Variants in CPAP observed in about 807,000 individuals in gnomAD.
The protein encoded by CPAP is centrosomal P4.1-associated protein.
the CPAP span, chr13:24,912,209 C>T: frequency 1.3e-6 from 1 of 770,342 alleles, no homozygotes; most frequent in Non-Finnish European, 2.2e-6. Flanking sequence ...GTAACTAAAT[C>T]AGCCACCGAA....
At chr13:24,933,987 A>G in the CPAP span, among the ~76,000 whole-genome samples, 3 of 152,084 alleles carry the variant, frequency 2.0e-5, no homozygotes, top group Non-Finnish European at 4.4e-5. Context: ...CGGCCTCCCA[A>G]AGGGCCGGGA....
At chr13:24,884,471 A>C in the CPAP span, 2 of 1,613,956 alleles carry the variant, frequency 1.2e-6, no homozygotes, top group Admixed American at 3.3e-5. Context: ...CACCTAAAAA[A>C]CCAACACAAG....
the CPAP span, among the ~76,000 whole-genome samples, chr13:24,907,632 A>G: frequency 1.8e-5 from 2 of 112,580 alleles, no homozygotes; most frequent in African/African-American, 5.2e-5. Flanking sequence ...AAAATATAAA[A>G]TACTTAATCT....
the CPAP span, among the ~76,000 whole-genome samples, chr13:24,908,650 G>A: frequency 6.6e-6 from 1 of 152,018 alleles, no homozygotes; most frequent in East Asian, 1.9e-4. Context: ...TTAATGTCAT[G>A]AGGAAAAAAG....
the CPAP span, among the ~76,000 whole-genome samples, chr13:24,888,529 C>CTT: frequency 6.6e-6 from 1 of 152,148 alleles, no homozygotes; most frequent in Non-Finnish European, 1.5e-5. Context: ...ATGTTAAAGT[C>CTT]TGGCCAGATC....
the CPAP span, chr13:24,892,568 T>G: frequency 7.6e-6 from 9 of 1,176,664 alleles, no homozygotes; most frequent in Non-Finnish European, 1.1e-5. Context: ...TTCTACTTTC[T>G]GACTCTATGA....
the CPAP span, chr13:24,885,585 T>A: frequency 6.4e-7 from 1 of 1,554,096 alleles, no homozygotes; most frequent in Non-Finnish European, 8.9e-7. Flanking sequence ...GTTTGAAGAA[T>A]ATATAAAAAC....
the CPAP span, chr13:24,899,365 C>T: frequency 7.1e-7 from 1 of 1,413,590 alleles, no homozygotes; most frequent in Non-Finnish European, 9.9e-7. Context: ...GAGATGCTTA[C>T]AAGATTGTCA....
the CPAP span, chr13:24,885,535 A>G: frequency 7.8e-7 from 1 of 1,281,034 alleles, no homozygotes; most frequent in Non-Finnish European, 1.1e-6. Context: ...TAGAAACGTT[A>G]AGTCTATTAA....
chr13:24,883,462 G>A, the CPAP span: 3 of 952,148 alleles, frequency 3.2e-6, no homozygotes, highest in Admixed American at 7.1e-5. Context: ...TTTGAGTCTG[G>A]CAGCTACTTC....
At chr13:24,908,683 A>G in the CPAP span, among the ~76,000 whole-genome samples, 1 of 152,182 alleles carries the variant, frequency 6.6e-6, no homozygotes, top group East Asian at 1.9e-4. Flanking sequence ...TAGAGATTAA[A>G]AAGGCTAAAG....
the CPAP span, among the ~76,000 whole-genome samples, chr13:24,884,715 T>G: frequency 0.99 from 150,871 of 152,334 alleles, 74,728 homozygotes; most frequent in Middle Eastern, 1. Context: ...TAAAGTAGAC[T>G]TTGTACAGGA....
chr13:24,917,107 G>A, the CPAP span, among the ~76,000 whole-genome samples: 5 of 152,002 alleles, frequency 3.3e-5, no homozygotes, highest in South Asian at 4.2e-4. Flanking sequence ...AAAATTAGCC[G>A]GGGGTGGTGG....
At chr13:24,931,306 C>CTTTTTTTTTTTTTTCTTTTTTTT in the CPAP span, among the ~76,000 whole-genome samples, 1 of 72,646 alleles carries the variant, frequency 1.4e-5, no homozygotes, top group East Asian at 5.9e-4. Context: ...TTTCATGTTT[C>CTTTTTTTTTTTTTTCTTTTTTTT]TTTTTTTTTT....
At chr13:24,903,781 A>G in the CPAP span, 2 of 954,722 alleles carry the variant, frequency 2.1e-6, no homozygotes, top group Non-Finnish European at 3.3e-6. Flanking sequence ...TATTCAGTAA[A>G]AAAAACTTAT....
chr13:24,926,085 G>A, the CPAP span, among the ~76,000 whole-genome samples: 8 of 152,176 alleles, frequency 5.3e-5, no homozygotes, highest in South Asian at 8.3e-4. Flanking sequence ...TTCATCCATC[G>A]TCCAGCCAGG....
At chr13:24,903,339 A>G in the CPAP span, among the ~76,000 whole-genome samples, 4 of 152,228 alleles carry the variant, frequency 2.6e-5, no homozygotes, top group African/African-American at 9.6e-5. Flanking sequence ...CCTTAAACCA[A>G]TATGACCCTA....
At chr13:24,903,859 A>AT in the CPAP span, 1 of 1,461,574 alleles carries the variant, frequency 6.8e-7, no homozygotes, top group Non-Finnish European at 9.6e-7. Flanking sequence ...CAGACTGTTT[A>AT]TAGATGGTCT....
the CPAP span, among the ~76,000 whole-genome samples, chr13:24,928,001 CG>C: frequency 2.8e-4 from 43 of 152,280 alleles, no homozygotes; most frequent in Admixed American, 2.3e-3. Context: ...AGGAGCTGAC[CG>C]TTGATCATTC....
Sources: gnomAD v4.1 joint callset for allele counts (sites outside exome capture counted in the v4.1 genomes callset) on GRCh38, gnomAD v4.1.1 for gene constraint, MANE v1.5 for transcripts, NCBI Gene and HGNC (gene_info 2026-07-23, HGNC 2026-07-21) for gene names.